FAF1: variants seen among roughly 807,000 people sequenced by gnomAD.
FAF1 encodes Fas associated factor 1.
In FAF1, 25 loss-of-function variants were observed where a neutral mutation model predicts 92.5. That is an observed-to-expected ratio of 0.27 (90% CI 0.20 to 0.38). The LOEUF (loss-of-function observed/expected upper bound fraction) is 0.38, where lower values mean the gene tolerates loss of function less well. FAF1 is among the 10% of genes least tolerant of loss of function. The pLI is 1.00. For synonymous variants in FAF1, 234 were observed against 273.2 expected (o/e 0.86, Z 1.42); for missense variants, 636 against 793.3 (o/e 0.80, Z 2.38).
Position 50,582,634 on chromosome 1 carries a change from T to C in FAF1, c.1097A>G (p.Tyr366Cys), listed in dbSNP as rs760287183. The C allele has an allele frequency of 5.0e-6, 8 of 1,610,962 alleles. No individual in the cohort carries two copies. The highest frequency in any genetic ancestry group is 2.2e-5 in the East Asian group (1 of 44,852). ...TGTACTTACATCTCGGGCTTTCACA[T>C]AGAAGGCCTCTTGAAAAGCAGCTTC... ...SLEAAFQEAF[Y>C]VKARDRKLLA... Residue 366 changes from tyrosine to cysteine, a missense_variant, in exon 12 of 19, where the codon TAT (tyrosine) becomes TGT (cysteine). Physicochemically the swap from Tyr to Cys is radical, Grantham distance 194. Transcript: ENST00000396153.
chr1:50,693,350 T>C (rs1657023631), intron 7 of FAF1, among the ~76,000 whole-genome samples: 1 of 152,198 alleles, frequency 6.6e-6, no homozygotes, highest in South Asian at 2.1e-4. Flanking sequence ...TGACCATAAA[T>C]GTAAGGGTTT....
rs541584852 is a variant in FAF1 at position 50,771,977 on chromosome 1, A to G, written c.367+16023T>C. ...TCTCTTCTAAATGCAAAAAAAATTG[A>G]CAGAAGTAGAGCCCTTGGGAAAAAG... On this transcript the variant is annotated intron_variant, in intron 4 of 18. Transcript: ENST00000396153. Among the ~76,000 whole-genome samples, 14 of 152,304 alleles carry G rather than the reference A, an allele frequency of 9.2e-5. No homozygotes were observed. In the East Asian group the frequency reaches 2.7e-3, roughly 29 times the overall value.
chr1:50,438,711 C>A lies in FAF1; in HGVS notation c.*2729G>T, dbSNP rs1182329353. On this transcript the variant is annotated 3_prime_UTR_variant, in exon 19 of 19. Coordinates refer to ENST00000396153, the MANE Select transcript of FAF1 (RefSeq NM_007051.3). ...CCTCTTAAAAACCTATTCTACTGAC[C>A]AGCACACTTAGATGTTATTATGTGA... is the stretch of plus-strand genomic sequence containing the variant. 6.6e-6 allele frequency: 1 copy of A among 152,140 alleles called. No homozygotes were observed. The highest frequency in any genetic ancestry group is 1.5e-5 in the Non-Finnish European group (1 of 68,026). 9.4% of individuals were successfully genotyped at this position (152,140 alleles called of 1,614,324 possible). A position where few individuals can be genotyped will look rare whatever the true frequency, so the allele number is the denominator to read the frequency against.
rs574991933 is a variant in FAF1 at position 50,924,978 on chromosome 1, C to T, written c.45+34789G>A. Among the ~76,000 whole-genome samples the T allele has an allele frequency of 2.2e-4, 34 of 152,234 alleles. No homozygotes were observed. The South Asian group carries it at 6.8e-3, about 31-fold the overall frequency. ...AGCCTGGGTGACAAGAATGAAACTC[C>T]ATCTCAAAAAACATAACAAAACAAA... On this transcript the variant is annotated intron_variant, in intron 1 of 18. Transcript: ENST00000396153.
At chr1:50,875,342 T>C (rs2124683866) in intron 1 of FAF1, among the ~76,000 whole-genome samples, 1 of 152,338 alleles carries the variant, frequency 6.6e-6, no homozygotes, top group Admixed American at 6.5e-5. Context: ...CATTGTAGAA[T>C]GGCTAAATGG....
At chr1:50,642,302 T>C (rs1369082294) in intron 8 of FAF1, among the ~76,000 whole-genome samples, 2 of 152,092 alleles carry the variant, frequency 1.3e-5, no homozygotes, top group Non-Finnish European at 2.9e-5. Flanking sequence ...AATATTTTTA[T>C]GCTTGTTTAG....
At chr1:50,876,646 C>T (rs997058282) in intron 1 of FAF1, among the ~76,000 whole-genome samples, 3 of 152,128 alleles carry the variant, frequency 2.0e-5, no homozygotes, top group Admixed American at 6.5e-5. Flanking sequence ...AGTGCAGTGG[C>T]GCAATCTCAG....
At chr1:50,867,553 T>A (rs1376890185) in intron 1 of FAF1, among the ~76,000 whole-genome samples, 2 of 151,634 alleles carry the variant, frequency 1.3e-5, no homozygotes, top group African/African-American at 2.4e-5. Context: ...AAAGAAGACA[T>A]ACAAATGGCA....
At chr1:50,480,018 G>A (rs985590981) in intron 17 of FAF1, among the ~76,000 whole-genome samples, 4 of 152,166 alleles carry the variant, frequency 2.6e-5, no homozygotes, top group Admixed American at 6.5e-5. Context: ...ACACTCAAAC[G>A]AGTCATGGTT....
intron 1 of FAF1, among the ~76,000 whole-genome samples, chr1:50,885,720 T>G (rs985479516): frequency 6.6e-6 from 1 of 152,188 alleles, no homozygotes; most frequent in African/African-American, 2.4e-5. Flanking sequence ...CCTGCCATTT[T>G]GTTACTTGTT....
chr1:50,799,503 C>G (rs1661892533), intron 3 of FAF1, among the ~76,000 whole-genome samples: 1 of 150,904 alleles, frequency 6.6e-6, no homozygotes, highest in Non-Finnish European at 1.5e-5. Context: ...TCTTCTTTCT[C>G]TTAAAAAAAA....
At chr1:50,912,711 A>C (rs1644894448) in intron 1 of FAF1, among the ~76,000 whole-genome samples, 2 of 152,184 alleles carry the variant, frequency 1.3e-5, no homozygotes, top group Non-Finnish European at 2.9e-5. Flanking sequence ...CATGTTTATA[A>C]ATGCTTATAA....
At chr1:50,481,115 C>A (rs1646698878) in intron 17 of FAF1, among the ~76,000 whole-genome samples, 1 of 151,662 alleles carries the variant, frequency 6.6e-6, no homozygotes, top group African/African-American at 2.4e-5. Context: ...TAAGCTATTA[C>A]AAAATAATCA....
intron 4 of FAF1, among the ~76,000 whole-genome samples, chr1:50,768,259 A>C (rs1225154967): frequency 6.6e-6 from 1 of 152,198 alleles, no homozygotes; most frequent in African/African-American, 2.4e-5. Flanking sequence ...TATCCTAAAT[A>C]TATGCACCAA....
intron 6 of FAF1, among the ~76,000 whole-genome samples, chr1:50,726,070 T>C (rs535861322): frequency 2.0e-5 from 3 of 151,514 alleles, no homozygotes; most frequent in African/African-American, 4.9e-5. Context: ...CTGGCCAAGA[T>C]GGTGAAACCC....
chr1:50,531,918 T>A (rs1648193604), intron 15 of FAF1, among the ~76,000 whole-genome samples: 1 of 152,172 alleles, frequency 6.6e-6, no homozygotes. Flanking sequence ...TAAATTTAAA[T>A]AAATTCAGGC....
intron 1 of FAF1, among the ~76,000 whole-genome samples, chr1:50,917,644 G>GAAAGA (rs1644928978): frequency 1.0e-5 from 1 of 99,032 alleles, no homozygotes; most frequent in Non-Finnish European, 2.3e-5. Context: ...GAAAGGAAAG[G>GAAAGA]AAAGGAAAGG....
intron 7 of FAF1, among the ~76,000 whole-genome samples, chr1:50,678,463 G>A (rs1389744394): frequency 6.6e-6 from 1 of 152,096 alleles, no homozygotes; most frequent in Non-Finnish European, 1.5e-5. Context: ...TCTTTCTTCT[G>A]TGCCTAGCCA....
chr1:50,653,315 AT>A (rs1033645523), intron 8 of FAF1, among the ~76,000 whole-genome samples: 2 of 151,310 alleles, frequency 1.3e-5, no homozygotes, highest in East Asian at 1.9e-4. Flanking sequence ...AAACCTAAAG[AT>A]TTTTTTTTCT....
Sources: gnomAD v4.1 joint callset for allele counts (sites outside exome capture counted in the v4.1 genomes callset) on GRCh38, gnomAD v4.1.1 for gene constraint, MANE v1.5 for transcripts, NCBI Gene and HGNC (gene_info 2026-07-23, HGNC 2026-07-21) for gene names.